Variants in UBE3A observed in about 807,000 individuals in gnomAD.
The protein encoded by UBE3A is ubiquitin protein ligase E3A.
Under a neutral mutation model 83.4 loss-of-function variants are expected in UBE3A, and 6 were observed. That is an observed-to-expected ratio of 0.07 (90% CI 0.04 to 0.14). UBE3A has a LOEUF of 0.14. UBE3A is among the 10% of genes least tolerant of loss of function. UBE3A has a pLI of 1.00. For missense variants in UBE3A, 456 were observed against 1,036.1 expected (o/e 0.44, Z 7.69); for synonymous variants, 337 against 355.4 (o/e 0.95, Z 0.58).
At chr15:25,367,133 TTATC>T (rs1222371631) in intron 6 of UBE3A, among the ~76,000 whole-genome samples, 1 of 149,366 alleles carries the variant, frequency 6.7e-6, no homozygotes, top group African/African-American at 2.4e-5. Flanking sequence ...AAATGAGAAA[TTATC>T]TACTTGTAAA....
At chr15:25,355,471 C>T (rs2077091310) in intron 9 of UBE3A, among the ~76,000 whole-genome samples, 1 of 152,068 alleles carries the variant, frequency 6.6e-6, no homozygotes, top group African/African-American at 2.4e-5. Context: ...TCAATAGAAA[C>T]CCAAATCTGA....
chr15:25,385,579 T>C (rs895445381), intron 4 of UBE3A, among the ~76,000 whole-genome samples: 2 of 152,110 alleles, frequency 1.3e-5, no homozygotes, highest in African/African-American at 4.8e-5. Context: ...CAGTTCCACA[T>C]ATGAAGAGCT....
In UBE3A at chr15:25,370,530, C is replaced by T. The variant is rs767389234; in HGVS notation, c.1608+36G>A. On this transcript the variant is annotated intron_variant, in intron 6 of 12. Coordinates refer to ENST00000648336, the MANE Select transcript of UBE3A (RefSeq NM_130839.5). The surrounding 1 kb of genome is among the most constrained non-coding windows in gnomAD (Gnocchi z 4.2). Reference sequence around the variant, plus strand: ...TTCACTGAACTGTATCATGATATCCCCATTATTAGGTTTTTAATCTAGCAG... The same window carrying T: ...TTCACTGAACTGTATCATGATATCCTCATTATTAGGTTTTTAATCTAGCAG... 3.1e-5 allele frequency: 50 copies of T among 1,612,254 alleles called. No homozygotes were observed. Among genetic ancestry groups the T allele is most frequent in the Non-Finnish European group, 4.0e-5 (47 of 1,178,658 alleles).
chr15:25,400,729 T>C (rs1348872544), intron 4 of UBE3A, among the ~76,000 whole-genome samples: 1 of 152,216 alleles, frequency 6.6e-6, no homozygotes, highest in East Asian at 1.9e-4. Context: ...TTTTTCTATA[T>C]ACAAGATCAT....
At position 25,337,081 on chromosome 15, in the gene UBE3A, G is replaced by GTAGGT. The variant is rs2074001117; in HGVS notation, c.*2051_*2055dup. On this transcript the variant is annotated 3_prime_UTR_variant, in exon 13 of 13. Transcript: ENST00000648336. Reference sequence around the variant, plus strand: ...ATTTTTTTTCTCTAAAATTTTAAGGGTAGGTTCATTCTGACTCTGTTAAAA... The same window carrying GTAGGT: ...ATTTTTTTTCTCTAAAATTTTAAGGGTAGGTTAGGTTCATTCTGACTCTGTTAAAA... 2.6e-5 allele frequency: 4 copies of GTAGGT among 152,096 alleles called. No homozygotes were observed. The highest frequency in any genetic ancestry group is 6.6e-5 in the Admixed American group (1 of 15,266). 9.4% of individuals were successfully genotyped at this position (152,096 alleles called of 1,614,324 possible).
chr15:25,388,035 TAAGG>T (rs1477046977), intron 4 of UBE3A, among the ~76,000 whole-genome samples: 2 of 152,254 alleles, frequency 1.3e-5, no homozygotes, highest in African/African-American at 4.8e-5. Context: ...ACTAAACATT[TAAGG>T]AAGAAACCAC....
In UBE3A at chr15:25,360,313, A is replaced by T. The variant is rs908517578; in HGVS notation, c.1753+70T>A. ...GCTCTTCATAGCTGAAAATATTTAC[A>T]AAGTAAGATAAACAAATAACTAACT... is the stretch of plus-strand genomic sequence containing the variant. On this transcript the variant is annotated intron_variant, in intron 7 of 12. Coordinates refer to ENST00000648336, the MANE Select transcript of UBE3A (RefSeq NM_130839.5). 3.8e-5 allele frequency: 61 copies of T among 1,598,408 alleles called. 1 individual carries two copies. The African/African-American group carries it at 6.3e-4, about 17-fold the overall frequency.
chr15:25,406,672 A>C, intron 3 of UBE3A, among the ~76,000 whole-genome samples: 1 of 140,134 alleles, frequency 7.1e-6, no homozygotes, highest in East Asian at 2.2e-4. Flanking sequence ...AACTCTAACA[A>C]GAATCTTAAA....
At chr15:25,368,387 T>TA (rs889161477) in intron 6 of UBE3A, among the ~76,000 whole-genome samples, 7 of 151,892 alleles carry the variant, frequency 4.6e-5, no homozygotes, top group South Asian at 2.1e-4. Flanking sequence ...GTTATTTTTT[T>TA]AAAAAAAAGA....
chr15:25,367,092 ATACT>A (rs1164995597), intron 6 of UBE3A, among the ~76,000 whole-genome samples: 2 of 151,596 alleles, frequency 1.3e-5, no homozygotes, highest in Non-Finnish European at 2.9e-5. Context: ...ATCTTAATAC[ATACT>A]ATCATTGGAA....
chr15:25,400,192 T>A (rs1271778062), intron 4 of UBE3A, among the ~76,000 whole-genome samples: 1 of 152,232 alleles, frequency 6.6e-6, no homozygotes, highest in African/African-American at 2.4e-5. Flanking sequence ...ATTTCTTTAA[T>A]CAATGTTACA....
At chr15:25,385,740 T>C (rs1431576811) in intron 4 of UBE3A, among the ~76,000 whole-genome samples, 3 of 151,874 alleles carry the variant, frequency 2.0e-5, no homozygotes, top group Admixed American at 6.6e-5. Flanking sequence ...TTATCTGAGA[T>C]GAAAAACACA....
At chr15:25,390,587 A>T (rs887964065) in intron 4 of UBE3A, among the ~76,000 whole-genome samples, 2 of 152,198 alleles carry the variant, frequency 1.3e-5, no homozygotes, top group African/African-American at 2.4e-5. Flanking sequence ...AGGCAAAGTT[A>T]GAGACACAGT....
intron 1 of UBE3A, among the ~76,000 whole-genome samples, chr15:25,429,198 T>C (rs1476898026): frequency 4.6e-5 from 7 of 152,210 alleles, no homozygotes; most frequent in African/African-American, 1.4e-4. Context: ...AGTAAAAGTA[T>C]AAAACAAGGA....
chr15:25,370,923 C>T lies in UBE3A; in HGVS notation c.1251G>A (p.Lys417=), dbSNP rs1184581335. 4 of 1,614,082 alleles carry T rather than the reference C, an allele frequency of 2.5e-6. No homozygotes were observed. ...CCAGGGGGTCCACTCGAGGACCTTTCTTGTTTCTTCTTTCTTCTCCCAAAA... is the reference window on the plus strand; with the variant it reads ...CCAGGGGGTCCACTCGAGGACCTTTTTTGTTTCTTCTTTCTTCTCCCAAAA... ...QELLGEERRN[K]KGPRVDPLET... Residue 417 remains lysine, a synonymous_variant, in exon 6 of 13, where the codon AAG becomes AAA. Transcript: ENST00000648336. The surrounding 1 kb of genome is among the most constrained non-coding windows in gnomAD (Gnocchi z 4.2).
chr15:25,354,090 AC>A (rs2076900110), intron 11 of UBE3A: 2 of 534,194 alleles, frequency 3.7e-6, no homozygotes, highest in Non-Finnish European at 6.7e-6. Flanking sequence ...GCATACTCTA[AC>A]CAGTGAGGAA....
intron 1 of UBE3A, among the ~76,000 whole-genome samples, chr15:25,423,284 T>C (rs1890362899): frequency 6.6e-6 from 1 of 152,172 alleles, no homozygotes. Flanking sequence ...AGATTTTATA[T>C]ATACATGAAT....
At chr15:25,391,657 C>T (rs1366307355) in intron 4 of UBE3A, 1 of 151,958 alleles carries the variant, frequency 6.6e-6, no homozygotes, top group Non-Finnish European at 1.5e-5. Context: ...CAGTACATGT[C>T]AGGAACAAGA....
chr15:25,335,875 A>G lies in UBE3A; in HGVS notation c.*3262T>C, dbSNP rs1235588202. The G allele has an allele frequency of 6.6e-6, 1 of 152,206 alleles. No individual in the cohort carries two copies. The highest frequency in any genetic ancestry group is 1.5e-5 in the Non-Finnish European group (1 of 68,062). The allele number at this position is 152,206 out of a possible 1,614,324, so 9.4% of individuals were successfully genotyped here. A position where few individuals can be genotyped will look rare whatever the true frequency, so the allele number is the denominator to read the frequency against. ...TAAAATCTGGGTAAACTGGGATGGA[A>G]AAACAAGTAGCCAGAGAAGCAACAG... On this transcript the variant is annotated 3_prime_UTR_variant, in exon 13 of 13. Coordinates refer to ENST00000648336, the MANE Select transcript of UBE3A (RefSeq NM_130839.5).
Sources: gnomAD v4.1 joint callset for allele counts (sites outside exome capture counted in the v4.1 genomes callset) on GRCh38, gnomAD v4.1.1 for gene constraint, Gnocchi (gnomAD v3.1) non-coding constraint, MANE v1.5 for transcripts, NCBI Gene and HGNC (gene_info 2026-07-23, HGNC 2026-07-21) for gene names.